PRKCZ: variants seen among roughly 807,000 people sequenced by gnomAD.
The protein encoded by PRKCZ is protein kinase C zeta type.
In PRKCZ, 33 loss-of-function variants were observed where a neutral mutation model predicts 79.5. The observed-to-expected ratio is 0.41, with a 90% confidence interval of 0.31 to 0.55. The LOEUF (loss-of-function observed/expected upper bound fraction) is 0.55, where lower values mean the gene tolerates loss of function less well. Ranked by LOEUF, PRKCZ falls within the 20% of genes least tolerant of loss-of-function variation. The pLI, the probability that PRKCZ is intolerant of heterozygous loss-of-function variation, is 0.19. For synonymous variants in PRKCZ, 342 were observed against 320.9 expected (o/e 1.07, Z -0.70); for missense variants, 578 against 813.5 (o/e 0.71, Z 3.52).
At chr1:2,074,881 A>T (rs1239155679) in intron 4 of PRKCZ, 2 of 151,832 alleles carry the variant, frequency 1.3e-5, no homozygotes, top group Non-Finnish European at 2.9e-5. Context: ...AAACAACAAA[A>T]AACCAAAACA....
chr1:2,056,416 C>T (rs193000501), intron 2 of PRKCZ, 68 bp from the exon 3 acceptor site: 19 of 1,397,440 alleles, frequency 1.4e-5, no homozygotes, highest in East Asian at 9.4e-5. Flanking sequence ...GTGTGCTGAG[C>T]GGGCTCGTCA....
intron 10 of PRKCZ, among the ~76,000 whole-genome samples, chr1:2,157,107 A>G (rs1408152068): frequency 6.6e-6 from 1 of 152,216 alleles, no homozygotes; most frequent in Non-Finnish European, 1.5e-5. Context: ...CCTCAGAGCT[A>G]GGAGCAAGGG....
intron 3 of PRKCZ, 54 bp from the exon 4 acceptor site, chr1:2,059,487 T>C: frequency 6.2e-7 from 1 of 1,601,552 alleles, no homozygotes; most frequent in Middle Eastern, 1.7e-4. Flanking sequence ...TCCGTGAGAC[T>C]GTTGAGTGGC....
At chr1:2,106,838 C>T (rs1348908610) in intron 4 of PRKCZ, among the ~76,000 whole-genome samples, 19 of 103,454 alleles carry the variant, frequency 1.8e-4, no homozygotes, top group African/African-American at 4.5e-4. Context: ...GACCTCCACA[C>T]GTGTCACCAG....
intron 3 of PRKCZ, among the ~76,000 whole-genome samples, chr1:2,058,661 C>T (rs1220780075): frequency 1.3e-5 from 2 of 151,608 alleles, no homozygotes; most frequent in African/African-American, 2.4e-5. Flanking sequence ...TTTGGGAGGC[C>T]GAGGCAGGTG....
In PRKCZ at chr1:2,149,635, C is replaced by T. The variant is rs898578472; in HGVS notation, c.687+711C>T. On this transcript the variant is annotated intron_variant, in intron 8 of 17. Transcript: ENST00000378567. This position sits in a 1 kb window ranked among gnomAD's most constrained non-coding sequence, Gnocchi z 4.1. ...CAGCATTTTGGGAGGCTGCGCACATCGCTTGAGTCCAGGAGCTCGAGAACA... is the reference window on the plus strand; with the variant it reads ...CAGCATTTTGGGAGGCTGCGCACATTGCTTGAGTCCAGGAGCTCGAGAACA... Among the ~76,000 whole-genome samples, 4 of 152,212 alleles carry T rather than the reference C, an allele frequency of 2.6e-5. No homozygotes were observed. The highest frequency in any genetic ancestry group is 9.6e-5 in the African/African-American group (4 of 41,462).
At chr1:2,106,730 A>G (rs1478344347) in intron 4 of PRKCZ, among the ~76,000 whole-genome samples, 1 of 117,778 alleles carries the variant, frequency 8.5e-6, no homozygotes, top group East Asian at 2.3e-4. Context: ...GCGTGTCACC[A>G]GGCCAGGTAA....
At chr1:2,091,249 C>G (rs1035674895) in intron 4 of PRKCZ, among the ~76,000 whole-genome samples, 6 of 152,194 alleles carry the variant, frequency 3.9e-5, no homozygotes, top group African/African-American at 1.4e-4. Context: ...GTTGGCCAGG[C>G]TGCTCTCGAA....
At chr1:2,133,194 C>T (rs540986242) in intron 4 of PRKCZ, among the ~76,000 whole-genome samples, 1 of 152,212 alleles carries the variant, frequency 6.6e-6, no homozygotes, top group East Asian at 1.9e-4. Flanking sequence ...TGTCCCCGCT[C>T]CAGCCAGCTT....
In PRKCZ at chr1:2,056,510, A is replaced by G. The variant is rs764134272; in HGVS notation, c.220A>G (p.Met74Val). The G allele has an allele frequency of 1.1e-5, 18 of 1,613,796 alleles. No homozygotes were observed. Among genetic ancestry groups the G allele is most frequent in the Non-Finnish European group, 1.5e-5 (18 of 1,179,946 alleles). The change falls in exon 3 of 18, where the codon ATG becomes GTG. Residue 74 changes from methionine (M) to valine (V), a missense_variant. Met to Val is a conservative substitution (Grantham distance 21). Around this residue, in one of 4 missense-constraint regions of PRKCZ, gnomAD observed 228 missense variants for 211.6 expected, o/e 1.08. Coordinates refer to ENST00000378567, the MANE Select transcript of PRKCZ (RefSeq NM_002744.6). ...EGDPCTVSSQ[M>V]ELEEAFRLAR... ...TGACCCTTGCACGGTGTCCTCCCAGATGGAGCTGGAAGAGGCTTTCCGCCT... is the reference window on the plus strand; with the variant it reads ...TGACCCTTGCACGGTGTCCTCCCAGGTGGAGCTGGAAGAGGCTTTCCGCCT...
In PRKCZ at chr1:2,112,581, T is replaced by C. The variant is rs554893533; in HGVS notation, c.335-22681T>C. Among the ~76,000 whole-genome samples, 35 of 151,692 alleles carry C rather than the reference T, an allele frequency of 2.3e-4. 1 individual carries two copies. The highest frequency in any genetic ancestry group is 9.7e-4 in the East Asian group (5 of 5,180). On this transcript the variant is annotated intron_variant, in intron 4 of 17. Transcript: ENST00000378567. ...GGGACCCCACACGTTTCCTCCTCCTTCTCTGGATGCCTGTAATCATCACAG... is the reference window on the plus strand; with the variant it reads ...GGGACCCCACACGTTTCCTCCTCCTCCTCTGGATGCCTGTAATCATCACAG...
At position 2,128,550 on chromosome 1, in the gene PRKCZ, C is replaced by T. The variant is rs1674376814; in HGVS notation, c.335-6712C>T. ...CGTCCTAATTATAGAATCTCAAAGA[C>T]ACGCACAGAGCTCCTTGAGGTTGTC... On this transcript the variant is annotated intron_variant, in intron 4 of 17. Transcript: ENST00000378567. The surrounding 1 kb of genome is among the most constrained non-coding windows in gnomAD (Gnocchi z 6.5). Among the ~76,000 whole-genome samples, 1 of 152,236 alleles carries T rather than the reference C, an allele frequency of 6.6e-6. No homozygotes were observed. Among genetic ancestry groups the T allele is most frequent in the Admixed American group, 6.5e-5 (1 of 15,284 alleles).
intron 16 of PRKCZ, chr1:2,183,600 C>T (rs1177160465): frequency 6.6e-6 from 1 of 152,510 alleles, no homozygotes; most frequent in Non-Finnish European, 1.5e-5. Flanking sequence ...TTCTAGGGAG[C>T]AGAGTTCTTT....
intron 4 of PRKCZ, among the ~76,000 whole-genome samples, chr1:2,121,417 C>T (rs924130526): frequency 2.9e-5 from 4 of 135,598 alleles, no homozygotes; most frequent in East Asian, 2.0e-4. Context: ...TGTTTGGAGA[C>T]GAAGCCTTTG....
intron 4 of PRKCZ, among the ~76,000 whole-genome samples, chr1:2,109,767 T>G (rs1335943991): frequency 1.3e-5 from 2 of 152,148 alleles, no homozygotes; most frequent in Non-Finnish European, 2.9e-5. Context: ...GCAGGTGAGG[T>G]CCAGGCCATG....
intron 9 of PRKCZ, among the ~76,000 whole-genome samples, chr1:2,155,439 ATGGTGATGATGGTGG>A (rs1366725872): frequency 7.3e-6 from 1 of 136,534 alleles, no homozygotes; most frequent in Non-Finnish European, 1.6e-5. Flanking sequence ...GACGGTTGTG[ATGGTGATGATGGTGG>A]TGGTGATGGT....
chr1:2,160,050 C>T (rs894244688), intron 10 of PRKCZ, among the ~76,000 whole-genome samples: 2 of 152,196 alleles, frequency 1.3e-5, no homozygotes, highest in Non-Finnish European at 2.9e-5. Flanking sequence ...AATAAAATCT[C>T]TTACTGTTTG....
chr1:2,105,840 A>G (rs956034523), intron 4 of PRKCZ, among the ~76,000 whole-genome samples: 2 of 152,330 alleles, frequency 1.3e-5, no homozygotes, highest in African/African-American at 2.4e-5. Flanking sequence ...GGTCACTTTC[A>G]GACACATAGT....
At chr1:2,156,392 T>A (rs1681052100) in intron 10 of PRKCZ, 6 of 304,030 alleles carry the variant, frequency 2.0e-5, no homozygotes, top group African/African-American at 4.3e-5. Context: ...TGGATTTCTG[T>A]GCTTATTAAA....
Sources: allele counts gnomAD v4.1 joint callset (sites outside exome capture counted in the v4.1 genomes callset), GRCh38; gene constraint gnomAD v4.1.1; regional missense constraint gnomAD v4.1.1; non-coding constraint Gnocchi (gnomAD v3.1); transcripts MANE v1.5; gene names NCBI Gene and HGNC (gene_info 2026-07-23, HGNC 2026-07-21).